The following HDAC5 variants were observed in gnomAD, a reference collection of about 807,000 sequenced individuals.
The protein encoded by HDAC5 is antigen NY-CO-9.
A neutral mutation model predicts 133.3 loss-of-function variants in HDAC5; 25 were observed. The observed-to-expected ratio is 0.19, with a 90% CI of 0.14 to 0.26. The LOEUF is 0.26. Among genes scored for constraint, HDAC5 ranks in the 10% least tolerant of loss-of-function variants. The probability of loss-of-function intolerance (pLI) is 1.00; values close to 1 mark genes in which losing one functional copy is unlikely to be tolerated. For missense variants in HDAC5, 1,041 were observed against 1,460.5 expected (o/e 0.71, Z 4.68); for synonymous variants, 589 against 610.8 (o/e 0.96, Z 0.53).
At chr17:44,108,631 G>A (rs1266393632) in intron 3 of HDAC5, among the ~76,000 whole-genome samples, 2 of 151,894 alleles carry the variant, frequency 1.3e-5, no homozygotes, top group Non-Finnish European at 2.9e-5. Context: ...GGGGAGAGGG[G>A]GTGGGGAGGG....
chr17:44,118,852 C>T (rs2052811289), intron 1 of HDAC5, among the ~76,000 whole-genome samples: 1 of 152,212 alleles, frequency 6.6e-6, no homozygotes, highest in Admixed American at 6.5e-5. Context: ...CCCTAGACAG[C>T]CCCACCTCCT....
Position 44,083,584 on chromosome 17 carries a change from C to G in HDAC5, c.2424G>C (p.Leu808=). 1 of 1,614,082 alleles carries G rather than the reference C, an allele frequency of 6.2e-7. No homozygotes were observed. The highest frequency in any genetic ancestry group is 8.5e-7 in the Non-Finnish European group (1 of 1,179,986). ...CAGCCACCTTGAAGGCCAGCTCCAGCAGGCAGCCCACTGCCATGCGCACAG... is the reference window on the plus strand; with the variant it reads ...CAGCCACCTTGAAGGCCAGCTCCAGGAGGCAGCCCACTGCCATGCGCACAG... ...SSAVRMAVGC[L]LELAFKVAAG... is the part of the protein sequence containing the mutation. The change falls in exon 18 of 27, where the codon CTG becomes CTC. Residue 808 remains leucine, a synonymous_variant. Transcript: ENST00000682912.
intron 16 of HDAC5, among the ~76,000 whole-genome samples, chr17:44,084,129 A>C (rs1186499676): frequency 6.6e-6 from 1 of 151,910 alleles, no homozygotes; most frequent in African/African-American, 2.4e-5. Context: ...TCTCAAAAAA[A>C]AAAAAGGCAC....
At chr17:44,121,266 G>A (rs1438872396) in intron 1 of HDAC5, among the ~76,000 whole-genome samples, 2 of 152,048 alleles carry the variant, frequency 1.3e-5, no homozygotes, top group Non-Finnish European at 2.9e-5. Flanking sequence ...AAAGGGCTGC[G>A]GCTGGGCCTG....
intron 3 of HDAC5, among the ~76,000 whole-genome samples, chr17:44,102,241 A>G (rs2051659299): frequency 1.3e-5 from 2 of 152,248 alleles, no homozygotes; most frequent in African/African-American, 4.8e-5. Context: ...TCTACCCAGA[A>G]GAAGGGCCAC....
chr17:44,110,666 TGCTCA>T, intron 3 of HDAC5, 58 bp downstream of exon 3: 1 of 1,340,540 alleles, frequency 7.5e-7, no homozygotes, highest in Admixed American at 1.7e-5. Flanking sequence ...CAGGGCCAGA[TGCTCA>T]GCCCAGGGAC....
chr17:44,088,455 G>A lies in HDAC5; in HGVS notation c.1531C>T (p.Leu511=). 6.2e-7 allele frequency: 1 copy of A among 1,602,964 alleles called. No individual in the cohort carries two copies. The highest frequency in any genetic ancestry group is 2.3e-5 in the East Asian group (1 of 44,322). Residue 511 remains leucine, a synonymous_variant, in exon 12 of 27, where the codon CTG becomes TTG. Transcript: ENST00000682912. Reference sequence around the variant, plus strand: ...TGCTGGTGCTGTTGTTGCATGACCAGCTGCTGCAGGGCCTGGGGACTCTGC... The same window carrying A: ...TGCTGGTGCTGTTGTTGCATGACCAACTGCTGCAGGGCCTGGGGACTCTGC... ...LPQSPQALQQ[L]VMQQQHQQFL...
chr17:44,112,573 A>G (rs1458298793), intron 2 of HDAC5, among the ~76,000 whole-genome samples: 1 of 151,876 alleles, frequency 6.6e-6, no homozygotes, highest in African/African-American at 2.4e-5. Flanking sequence ...GGACTGGATG[A>G]CCTCACCCTC....
rs1379312236 is a variant in HDAC5, at chr17:44,078,813, T to G, written c.3145A>C (p.Lys1049Gln). ...PNINAVATLE[K>Q]VIEIQSKHWS... is the part of the protein sequence containing the mutation. ...CACGCACTCTGGATCTCGATGACTT[T>G]CTCTAGCGTGGCCACTGCGTTGATG... Residue 1049 changes from lysine to glutamine, a missense_variant, in exon 25 of 27, where the codon AAA becomes CAA. Around this residue, in one of 9 missense-constraint regions of HDAC5, gnomAD observed 95 missense variants for 107.3 expected, o/e 0.88. Coordinates refer to ENST00000682912, the MANE Select transcript of HDAC5 (RefSeq NM_005474.5). 1 of 1,613,984 alleles carries G rather than the reference T, an allele frequency of 6.2e-7. No individual in the cohort carries two copies. The highest frequency in any genetic ancestry group is 8.5e-7 in the Non-Finnish European group (1 of 1,180,014).
chr17:44,087,745 G>T (rs761771332), intron 12 of HDAC5, 49 bp from the exon 13 acceptor site: 3 of 1,521,528 alleles, frequency 2.0e-6, no homozygotes, highest in Admixed American at 2.0e-5. Context: ...GGGAGCAGCT[G>T]TGCAGCCTAA....
intron 20 of HDAC5, 33 bp downstream of exon 20, chr17:44,082,552 G>A (rs781493044): frequency 2.1e-5 from 32 of 1,513,200 alleles, no homozygotes; most frequent in Non-Finnish European, 2.5e-5. Flanking sequence ...AGCTCTACCC[G>A]CCCCTGCCCA....
chr17:44,093,608 C>T lies in HDAC5; in HGVS notation c.321G>A (p.Arg107=), dbSNP rs2051081845. The T allele has an allele frequency of 6.2e-7, 1 of 1,611,422 alleles. No homozygotes were observed. The highest frequency in any genetic ancestry group is 8.5e-7 in the Non-Finnish European group (1 of 1,178,930). ...EFQKQHDHLT[R]QHEVQLQKHL... ...GCTTCTGCAGCTGGACCTCATGCTG[C>T]CTTGTCAGGTGGTCATGCTGTTTCT... Residue 107 remains arginine, a synonymous_variant, in exon 4 of 27, where the codon AGG becomes AGA. Coordinates refer to ENST00000682912, the MANE Select transcript of HDAC5 (RefSeq NM_005474.5).
Position 44,123,492 on chromosome 17 carries a change from C to A in HDAC5, c.-190+12G>T. The stretch of plus-strand genomic sequence containing the variant: ...GGGGAAGATGGGATCTGGGCCGGGG[C>A]GGCGCGCTCACCCGCTGCGGCTCGA... On this transcript the variant is annotated intron_variant, in intron 1 of 26. Coordinates refer to ENST00000682912, the MANE Select transcript of HDAC5 (RefSeq NM_005474.5). 1 of 375,988 alleles carries A rather than the reference C, an allele frequency of 2.7e-6. No homozygotes were observed. Among genetic ancestry groups the A allele is most frequent in the Non-Finnish European group, 4.7e-6 (1 of 211,908 alleles). The allele number at this position is 375,988 out of a possible 1,614,324, so 23.3% of individuals were successfully genotyped here. A position where few individuals can be genotyped will look rare whatever the true frequency, so the allele number is the denominator to read the frequency against.
intron 11 of HDAC5, among the ~76,000 whole-genome samples, chr17:44,090,919 G>A (rs111656662): frequency 2.0e-5 from 3 of 152,134 alleles, no homozygotes; most frequent in Non-Finnish European, 2.9e-5. Flanking sequence ...TCAATCTCCT[G>A]ACCTCGTGAT....
chr17:44,115,122 A>T (rs542891734), intron 2 of HDAC5, among the ~76,000 whole-genome samples: 1 of 152,340 alleles, frequency 6.6e-6, no homozygotes, highest in South Asian at 2.1e-4. Flanking sequence ...TGTCTTCCAC[A>T]GGCTGAGCCT....
intron 9 of HDAC5, 37 bp downstream of exon 9, chr17:44,092,135 C>CT: frequency 6.4e-7 from 1 of 1,573,388 alleles, no homozygotes; most frequent in Non-Finnish European, 8.7e-7. Context: ...AGGAGCAACT[C>CT]TGTCCCCGCC....
intron 3 of HDAC5, among the ~76,000 whole-genome samples, chr17:44,100,673 C>T (rs1283064378): frequency 2.0e-5 from 3 of 150,814 alleles, no homozygotes; most frequent in Non-Finnish European, 1.5e-5. Flanking sequence ...ATCACTTGAA[C>T]CCAGGAGGTG....
intron 3 of HDAC5, 54 bp from the exon 4 acceptor site, chr17:44,093,888 C>A: frequency 1.4e-6 from 2 of 1,442,968 alleles, no homozygotes; most frequent in South Asian, 3.1e-5. Context: ...AGACTCCAGT[C>A]ATGCCTGAGG....
intron 10 of HDAC5, 29 bp from the exon 11 acceptor site, chr17:44,091,521 GCCTCAGT>G (rs904271836): frequency 2.1e-5 from 32 of 1,534,824 alleles, no homozygotes; most frequent in Middle Eastern, 2.2e-4. Flanking sequence ...GGCTTATACA[GCCTCAGT>G]CCTGCCAACT....
Sources: gnomAD v4.1 joint callset for allele counts (sites outside exome capture counted in the v4.1 genomes callset) on GRCh38, gnomAD v4.1.1 for gene constraint, gnomAD v4.1.1 regional missense constraint, MANE v1.5 for transcripts, NCBI Gene and HGNC (gene_info 2026-07-23, HGNC 2026-07-21) for gene names.